Variants in AHCY observed in about 807,000 individuals in gnomAD.
AHCY encodes the protein adenosylhomocysteinase, also known as S-adenosyl-L-homocysteine hydrolase.
A neutral mutation model predicts 45.4 loss-of-function variants in AHCY; 24 were observed. The observed-to-expected ratio is 0.53, with a 90% CI of 0.38 to 0.74. AHCY has a LOEUF of 0.74. Ranked by LOEUF, AHCY falls within the 30% of genes least tolerant of loss-of-function variation. The pLI is 0.00. For missense variants in AHCY, 449 were observed against 594.1 expected (o/e 0.76, Z 2.54); for synonymous variants, 245 against 235.1 (o/e 1.04, Z -0.39).
At chr20:34,292,644 G>A (rs2122769899) in intron 3 of AHCY, 137 bp from the exon 4 acceptor site, 6 of 1,271,616 alleles carry the variant, frequency 4.7e-6, no homozygotes, top group Non-Finnish European at 6.8e-6. Flanking sequence ...AAACTCAGCA[G>A]TGGTCAGGAC....
the AHCY span, among the ~76,000 whole-genome samples, chr20:34,240,879 T>G: frequency 6.6e-6 from 1 of 152,048 alleles, no homozygotes; most frequent in Non-Finnish European, 1.5e-5. Context: ...GGGAGAAATA[T>G]GGGAAGAACA....
chr20:34,282,851 C>A (rs913649755), intron 9 of AHCY, among the ~76,000 whole-genome samples: 1 of 152,188 alleles, frequency 6.6e-6, no homozygotes. Flanking sequence ...CTCCCTACCC[C>A]TAAGGGACCC....
At chr20:34,241,857 A>T in the AHCY span, among the ~76,000 whole-genome samples, 1 of 152,236 alleles carries the variant, frequency 6.6e-6, no homozygotes, top group Non-Finnish European at 1.5e-5. Context: ...CAGATTTCTA[A>T]TAACTCTTAC....
At chr20:34,234,206 C>T in the AHCY span, among the ~76,000 whole-genome samples, 1 of 152,168 alleles carries the variant, frequency 6.6e-6, no homozygotes, top group Non-Finnish European at 1.5e-5. Flanking sequence ...AACAGTGATC[C>T]AGACTGTTTG....
At chr20:34,278,224 G>T (rs1405610064), downstream of AHCY, among the ~76,000 whole-genome samples, 2 of 152,156 alleles carry the variant, frequency 1.3e-5, no homozygotes, top group Non-Finnish European at 2.9e-5. Context: ...TGTGTTTTCT[G>T]AAACAAAAGG....
chr20:34,264,333 G>A, the AHCY span, among the ~76,000 whole-genome samples: 2 of 152,206 alleles, frequency 1.3e-5, 1 homozygote, highest in Non-Finnish European at 2.9e-5. Flanking sequence ...CTCAGGTGTT[G>A]CGAGTACGTG....
At chr20:34,275,280 G>T (rs1447706725), downstream of AHCY, among the ~76,000 whole-genome samples, 4 of 151,978 alleles carry the variant, frequency 2.6e-5, no homozygotes, top group Non-Finnish European at 5.9e-5. Context: ...TTACAGGTGT[G>T]CTCCACCATG....
At chr20:34,302,095 G>A (rs373465970) in intron 1 of AHCY, 9 of 576,886 alleles carry the variant, frequency 1.6e-5, no homozygotes, top group African/African-American at 6.1e-5. Flanking sequence ...CCGTCTCCCC[G>A]GCTCAAACAG....
chr20:34,262,966 C>T, the AHCY span: 2 of 1,541,454 alleles, frequency 1.3e-6, no homozygotes, highest in Non-Finnish European at 1.8e-6. Flanking sequence ...GACCCCCAAC[C>T]TCTGGCTAGG....
At chr20:34,263,300 C>T in the AHCY span, among the ~76,000 whole-genome samples, 1 of 152,202 alleles carries the variant, frequency 6.6e-6, no homozygotes, top group Non-Finnish European at 1.5e-5. Flanking sequence ...TGCGGTGGCT[C>T]ACGCCTATAA....
At chr20:34,271,260 TTCC>T in the AHCY span, among the ~76,000 whole-genome samples, 1 of 152,090 alleles carries the variant, frequency 6.6e-6, no homozygotes, top group South Asian at 2.1e-4. Context: ...CTTTTCAGAA[TTCC>T]TCCTCAAGCC....
At chr20:34,297,044 G>C (rs772613284) in intron 1 of AHCY, among the ~76,000 whole-genome samples, 2 of 151,882 alleles carry the variant, frequency 1.3e-5, no homozygotes, top group Non-Finnish European at 2.9e-5. Flanking sequence ...CCCAACTCTA[G>C]CCACGCCTCA....
At chr20:34,293,205 T>C (rs1463339878) in intron 3 of AHCY, among the ~76,000 whole-genome samples, 1 of 152,078 alleles carries the variant, frequency 6.6e-6, no homozygotes, top group Non-Finnish European at 1.5e-5. Flanking sequence ...AAGACGCACT[T>C]GGGCCACTCT....
chr20:34,271,413 ATTCTAT>A, the AHCY span, among the ~76,000 whole-genome samples: 4 of 152,154 alleles, frequency 2.6e-5, no homozygotes, highest in Non-Finnish European at 5.9e-5. Flanking sequence ...ACCATTATTC[ATTCTAT>A]TTCTGTCTCA....
At chr20:34,260,347 C>G in the AHCY span, 1 of 1,601,664 alleles carries the variant, frequency 6.2e-7, no homozygotes, top group Non-Finnish European at 8.5e-7. Context: ...ACCTGACCAC[C>G]TTCTCTGTCC....
At chr20:34,268,475 C>T in the AHCY span, among the ~76,000 whole-genome samples, 1 of 152,150 alleles carries the variant, frequency 6.6e-6, no homozygotes, top group Admixed American at 6.5e-5. Context: ...GTAAACCCAG[C>T]ACTTTGGGAG....
chr20:34,266,595 C>T, the AHCY span, among the ~76,000 whole-genome samples: 1 of 151,202 alleles, frequency 6.6e-6, no homozygotes, highest in Non-Finnish European at 1.5e-5. Flanking sequence ...ATCACTGGAA[C>T]CCGGGAGATG....
chr20:34,296,348 G>C (rs932567053), intron 1 of AHCY, among the ~76,000 whole-genome samples: 1 of 152,068 alleles, frequency 6.6e-6, no homozygotes, highest in Non-Finnish European at 1.5e-5. Context: ...CTGAATCTGG[G>C]GGTTCAATAA....
At chr20:34,257,664 A>G in the AHCY span, among the ~76,000 whole-genome samples, 1 of 152,218 alleles carries the variant, frequency 6.6e-6, no homozygotes, top group Non-Finnish European at 1.5e-5. Context: ...AATAAGTTTC[A>G]AAACATTATG....
Sources: allele counts gnomAD v4.1 joint callset (sites outside exome capture counted in the v4.1 genomes callset), GRCh38; gene constraint gnomAD v4.1.1; transcripts MANE v1.5; gene names NCBI Gene and HGNC (gene_info 2026-07-23, HGNC 2026-07-21).